Variants in SYNE2 observed in about 807,000 individuals in gnomAD.
The protein encoded by SYNE2 is spectrin repeat containing nuclear envelope protein 2.
In SYNE2, 431 loss-of-function variants were observed where a neutral mutation model predicts 856.3. The observed-to-expected ratio is 0.50, with a 90% CI of 0.47 to 0.55. The LOEUF is 0.55. Ranked by LOEUF, SYNE2 falls within the 20% of genes least tolerant of loss-of-function variation. The pLI is 0.00. For missense variants in SYNE2, 8,129 were observed against 8,023.2 expected, an observed-to-expected ratio of 1.01 and a Z score of -0.50; for synonymous variants, 2,923 against 2,872.3, an observed-to-expected ratio of 1.02 and a Z score of -0.56.
At chr14:64,202,458 G>GA (rs2098577620) in intron 99 of SYNE2, among the ~76,000 whole-genome samples, 1 of 152,078 alleles carries the variant, frequency 6.6e-6, no homozygotes, top group African/African-American at 2.4e-5. Flanking sequence ...TTTCACTTAG[G>GA]AAAAAATGGC....
At position 63,889,731 on chromosome 14, in the gene SYNE2, G is replaced by A. The variant is rs566798466; in HGVS notation, c.-51-19367G>A. On this transcript the variant is annotated intron_variant, in intron 1 of 115. Transcript: ENST00000555002. ...GGGCTCAAGTGATCCTCCCACCTTG[G>A]CCTCCTAAAATGCTGGGATTACGGA... 1.4e-4 allele frequency among the ~76,000 whole-genome samples: 21 copies of A among 152,006 alleles called. No individual in the cohort carries two copies. In the South Asian group the frequency reaches 2.5e-3, roughly 18 times the overall value.
chr14:64,207,916 A>C (rs2098615963), intron 100 of SYNE2: 2 of 440,834 alleles, frequency 4.5e-6, no homozygotes, highest in Non-Finnish European at 9.1e-6. Flanking sequence ...TAACTCTTCC[A>C]GAATGGCAAA....
At chr14:64,041,849 T>TA (rs33974614) in intron 45 of SYNE2, among the ~76,000 whole-genome samples, 39 of 143,994 alleles carry the variant, frequency 2.7e-4, no homozygotes, top group African/African-American at 8.2e-4. Flanking sequence ...GACCCTTTCT[T>TA]AAAAAAAAAA....
In SYNE2 at chr14:63,805,622, G is replaced by A. The variant is rs185571058; in HGVS notation, c.-305+43636G>A. Among the ~76,000 whole-genome samples the A allele has an allele frequency of 6.1e-4, 80 of 131,798 alleles. 1 individual carries two copies. In the East Asian group the frequency reaches 0.015, roughly 25 times the overall value. 86.5% of individuals were successfully genotyped at this position (131,798 alleles called of 152,430 possible). A position where few individuals can be genotyped will look rare whatever the true frequency, so the allele number is the denominator to read the frequency against. ...TATCTCCTGACCTCGTGATCCGCCC[G>A]CCTCGGCCTTCCAAAGTGCTGATTA... is the stretch of plus-strand genomic sequence containing the variant. On this transcript the variant is annotated intron_variant, in intron 1 of 23. Coordinates refer to the SYNE2 transcript ENST00000674003.
intron 45 of SYNE2, among the ~76,000 whole-genome samples, chr14:64,038,061 C>T (rs867873776): frequency 4.8e-4 from 72 of 149,782 alleles, no homozygotes; most frequent in South Asian, 8.4e-4. Context: ...AGTTGCCAGG[C>T]GGAGGGTCTC....
At position 64,219,102 on chromosome 14, in the gene SYNE2, TTG is replaced by T. The variant is rs1491354203; in HGVS notation, c.19658-104_19658-103del. 39,806 of 630,470 alleles carry T rather than the reference TTG, an allele frequency of 0.063. 3,626 individuals are homozygous for T. Among genetic ancestry groups the T allele is most frequent in the African/African-American group, 0.19 (7,520 of 38,734 alleles). 39.1% of individuals were successfully genotyped at this position (630,470 alleles called of 1,614,324 possible). A position where few individuals can be genotyped will look rare whatever the true frequency, so the allele number is the denominator to read the frequency against. On this transcript the variant is annotated intron_variant, in intron 109 of 115. Coordinates refer to ENST00000555002, the MANE Select transcript of SYNE2 (RefSeq NM_182914.3). ...GTCAGGGGAATCCCCTACAGTTTTT[TTG>T]TTTTTTTTTTTTTTTTTTTTAACCA...
At chr14:64,021,126 T>A (rs1250928368) in intron 35 of SYNE2, among the ~76,000 whole-genome samples, 189 bp from the exon 36 acceptor site, 1 of 152,222 alleles carries the variant, frequency 6.6e-6, no homozygotes, top group Non-Finnish European at 1.5e-5. Context: ...TCAGTTTTTT[T>A]TATGTTATGC....
chr14:64,052,774 C>G lies in SYNE2; in HGVS notation c.8861C>G (p.Ala2954Gly), dbSNP rs369713092. The change falls in exon 48 of 116, where the codon GCG becomes GGG. Residue 2954 changes from alanine to glycine, a missense_variant. Physicochemically the swap from Ala to Gly is moderately conservative, Grantham distance 60. Coordinates refer to ENST00000555002, the MANE Select transcript of SYNE2 (RefSeq NM_182914.3). ...AGACAATTCCATGAAAAAACATCAG[C>G]GCTTCAGGAGGAGGCTGACAGTATA... ...FCRQFHEKTS[A>G]LQEEADSIQR... is the part of the protein sequence containing the mutation. The G allele has an allele frequency of 6.2e-7, 1 of 1,612,308 alleles. No individual in the cohort carries two copies. Among genetic ancestry groups the G allele is most frequent in the Non-Finnish European group, 8.5e-7 (1 of 1,179,252 alleles).
intron 1 of SYNE2, among the ~76,000 whole-genome samples, chr14:63,901,101 A>G (rs1405795794): frequency 6.6e-6 from 1 of 152,212 alleles, no homozygotes; most frequent in Non-Finnish European, 1.5e-5. Flanking sequence ...CTTCCTCACC[A>G]TTGACAGAGT....
At chr14:63,944,364 T>C (rs1040818142) in intron 6 of SYNE2, among the ~76,000 whole-genome samples, 4 of 149,970 alleles carry the variant, frequency 2.7e-5, no homozygotes. Context: ...CACTAATGGA[T>C]AGTCAGAAAG....
intron 32 of SYNE2, among the ~76,000 whole-genome samples, chr14:64,015,218 G>A (rs1176132042): frequency 1.3e-5 from 2 of 151,166 alleles, no homozygotes; most frequent in East Asian, 1.9e-4. Context: ...AAAATTAATT[G>A]GGAGTGTTTC....
intron 45 of SYNE2, among the ~76,000 whole-genome samples, chr14:64,045,394 T>TCTAGG (rs2097178778): frequency 6.8e-6 from 1 of 147,814 alleles, no homozygotes; most frequent in Non-Finnish European, 1.5e-5. Flanking sequence ...GTTCCTCAGG[T>TCTAGG]CCAGTGTCTA....
intron 1 of SYNE2, among the ~76,000 whole-genome samples, chr14:63,840,369 C>T (rs962936756): frequency 6.6e-6 from 1 of 151,928 alleles, no homozygotes; most frequent in East Asian, 1.9e-4. Context: ...TTCAGGGAAC[C>T]CAGTTTTTTG....
intron 1 of SYNE2, among the ~76,000 whole-genome samples, chr14:63,817,864 C>G (rs1336764043): frequency 6.6e-6 from 1 of 150,912 alleles, no homozygotes; most frequent in Non-Finnish European, 1.5e-5. Context: ...TCTCTAGAAA[C>G]AAATTAAAAC....
rs534228659 is a variant in SYNE2 at position 64,202,137 on chromosome 14, C to T, written c.18039-664C>T. 2.9e-5 allele frequency: 20 copies of T among 700,790 alleles called. No individual in the cohort carries two copies. The East Asian group carries it at 5.1e-4, about 18-fold the overall frequency. The allele number at this position is 700,790 out of a possible 1,614,324, so 43.4% of individuals were successfully genotyped here. The stretch of plus-strand genomic sequence containing the variant: ...TGAGGCAGACTGGCGAGGGAGATCA[C>T]ATTTAGAACTGCGCTTGCGTGCAGA... On this transcript the variant is annotated intron_variant, in intron 99 of 115. Transcript: ENST00000555002.
rs139896810 is a variant in SYNE2, at chr14:64,170,261, G to A, written c.17034G>A (p.Thr5678=). The stretch of plus-strand genomic sequence containing the variant: ...TTATTACAGAATTCTCAAAGCTGAC[G>A]GATCGGTGGCAGAATGCTGTCCAGG... ...PEFITEFSKL[T]DRWQNAVQGV... Residue 5678 remains threonine (T), a synonymous_variant, in exon 94 of 116, where the codon ACG becomes ACA. Coordinates refer to ENST00000555002, the MANE Select transcript of SYNE2 (RefSeq NM_182914.3). 15 of 1,613,940 alleles carry A rather than the reference G, an allele frequency of 9.3e-6. No individual in the cohort carries two copies. Among genetic ancestry groups the A allele is most frequent in the Admixed American group, 6.7e-5 (4 of 60,004 alleles).
chr14:64,117,765 G>A (rs1227230364), intron 66 of SYNE2, among the ~76,000 whole-genome samples: 2 of 152,122 alleles, frequency 1.3e-5, no homozygotes, highest in Non-Finnish European at 2.9e-5. Flanking sequence ...AGGTTTTGGA[G>A]CATTTTGGGA....
At chr14:64,188,847 C>T (rs763584539) in intron 98 of SYNE2, 139 bp downstream of exon 98, 5 of 899,830 alleles carry the variant, frequency 5.6e-6, no homozygotes, top group Admixed American at 4.0e-5. Flanking sequence ...TCACTATTTT[C>T]GATCCTTTTG....
intron 105 of SYNE2, among the ~76,000 whole-genome samples, chr14:64,213,970 A>G (rs2098654333): frequency 2.6e-5 from 4 of 152,204 alleles, no homozygotes; most frequent in Admixed American, 2.0e-4. Flanking sequence ...CTAAGAAAAA[A>G]TAGCTGGAGG....
Sources: allele counts gnomAD v4.1 joint callset (sites outside exome capture counted in the v4.1 genomes callset), GRCh38; gene constraint gnomAD v4.1.1; transcripts MANE v1.5; gene names NCBI Gene and HGNC (gene_info 2026-07-23, HGNC 2026-07-21).